Variants in XKR6 observed in about 807,000 individuals in gnomAD.
The protein encoded by XKR6 is XK related 6, also known as XK-related protein 6.
A neutral mutation model predicts 56.7 loss-of-function variants in XKR6; 22 were observed. The ratio of observed to expected loss-of-function variants is 0.39; its 90% CI spans 0.28 to 0.55. The LOEUF is 0.55. Among genes scored for constraint, XKR6 ranks in the 20% least tolerant of loss-of-function variants. XKR6 has a pLI of 0.66. For missense variants in XKR6, 852 were observed against 889.0 expected (o/e 0.96, Z 0.53); for synonymous variants, 524 against 387.8 (o/e 1.35, Z -4.13).
At chr8:11,196,338 G>T (rs530973137) in intron 1 of XKR6, among the ~76,000 whole-genome samples, 16 of 152,288 alleles carry the variant, frequency 1.1e-4, no homozygotes, top group Admixed American at 7.2e-4. Flanking sequence ...GCAAAGAGAA[G>T]TGGGCTACAT....
At chr8:10,981,413 A>G (rs1291484836) in intron 1 of XKR6, among the ~76,000 whole-genome samples, 1 of 152,204 alleles carries the variant, frequency 6.6e-6, no homozygotes, top group African/African-American at 2.4e-5. Flanking sequence ...GGCAGTCAAC[A>G]AGGCTTGGTG....
At chr8:11,150,852 CAAAAAA>C (rs546547767) in intron 1 of XKR6, among the ~76,000 whole-genome samples, 45 of 90,290 alleles carry the variant, frequency 5.0e-4, no homozygotes, top group Admixed American at 2.2e-3. Flanking sequence ...GACTCCATCT[CAAAAAA>C]AAAAAAAAAA....
At chr8:11,116,752 T>C (rs1047236523) in intron 1 of XKR6, among the ~76,000 whole-genome samples, 5 of 152,086 alleles carry the variant, frequency 3.3e-5, no homozygotes, top group Non-Finnish European at 5.9e-5. Flanking sequence ...CCCCCTTACA[T>C]CTCACAACCT....
chr8:11,102,814 A>C lies in XKR6; in HGVS notation c.764+97762T>G, dbSNP rs549386131. On this transcript the variant is annotated intron_variant, in intron 1 of 2. Coordinates refer to ENST00000416569, the MANE Select transcript of XKR6 (RefSeq NM_173683.4). ...AACCAACACTGCCTGTCCCTAGCTC[A>C]GAACTGGCTGCATTTGGAGGATTTT... 1.1e-4 allele frequency among the ~76,000 whole-genome samples: 17 copies of C among 152,338 alleles called. No individual in the cohort carries two copies. The South Asian group carries it at 3.1e-3, about 28-fold the overall frequency.
chr8:11,083,545 G>T (rs1797795360), intron 1 of XKR6, among the ~76,000 whole-genome samples: 1 of 152,144 alleles, frequency 6.6e-6, no homozygotes, highest in South Asian at 2.1e-4. Flanking sequence ...TGCATTTTCG[G>T]AATGCAAAAC....
chr8:11,094,560 A>C (rs1377694771), intron 1 of XKR6, among the ~76,000 whole-genome samples: 1 of 152,120 alleles, frequency 6.6e-6, no homozygotes, highest in Non-Finnish European at 1.5e-5. Context: ...CAGAAACAGA[A>C]AGGGACTTCT....
intron 1 of XKR6, among the ~76,000 whole-genome samples, chr8:10,990,559 T>C (rs776471388): frequency 2.6e-5 from 4 of 152,296 alleles, no homozygotes; most frequent in Non-Finnish European, 4.4e-5. Flanking sequence ...ACTAAGAGTG[T>C]GGAGCTGCTG....
chr8:11,150,772 G>A (rs1026673701), intron 1 of XKR6, among the ~76,000 whole-genome samples: 1 of 150,442 alleles, frequency 6.6e-6, no homozygotes, highest in South Asian at 2.1e-4. Flanking sequence ...AGAGTCGCTT[G>A]AGGCCGGGAG....
intron 1 of XKR6, among the ~76,000 whole-genome samples, chr8:11,135,044 T>C (rs1800311747): frequency 6.6e-6 from 1 of 151,808 alleles, no homozygotes; most frequent in African/African-American, 2.4e-5. Flanking sequence ...ATTTTTTTTT[T>C]TTTTTTGAGG....
Position 11,186,772 on chromosome 8 carries a change from G to A in XKR6, c.764+13804C>T, listed in dbSNP as rs376639241. Among the ~76,000 whole-genome samples the A allele has an allele frequency of 8.5e-5, 13 of 152,168 alleles. No individual in the cohort carries two copies. In the East Asian group the frequency reaches 1.9e-3, roughly 23 times the overall value. ...TGAGGTGTTGAGCCCTGAGGATGTC[G>A]AAGCCACCACCAGCCATACCACCCC... On this transcript the variant is annotated intron_variant, in intron 1 of 2. Coordinates refer to ENST00000416569, the MANE Select transcript of XKR6 (RefSeq NM_173683.4).
intron 1 of XKR6, among the ~76,000 whole-genome samples, chr8:11,147,956 T>C (rs1031054511): frequency 2.0e-5 from 3 of 152,114 alleles, no homozygotes; most frequent in East Asian, 3.9e-4. Context: ...ACACCTGTAA[T>C]CCCAGCACTT....
At chr8:11,071,940 A>C (rs759437571) in intron 1 of XKR6, among the ~76,000 whole-genome samples, 1 of 152,202 alleles carries the variant, frequency 6.6e-6, no homozygotes, top group African/African-American at 2.4e-5. Flanking sequence ...TCATATATAG[A>C]CCTCCAAAGA....
chr8:11,072,216 C>A (rs1455258317), intron 1 of XKR6, among the ~76,000 whole-genome samples: 2 of 147,432 alleles, frequency 1.4e-5, no homozygotes, highest in Non-Finnish European at 3.1e-5. Context: ...GCTGGAGAGA[C>A]AGCAGGGCTC....
intron 1 of XKR6, among the ~76,000 whole-genome samples, chr8:11,199,905 C>T (rs769818536): frequency 6.6e-6 from 1 of 152,000 alleles, no homozygotes; most frequent in African/African-American, 2.4e-5. Context: ...ACCAAACGCT[C>T]GCGCCCATCA....
intron 1 of XKR6, among the ~76,000 whole-genome samples, chr8:11,015,220 A>G (rs1402721236): frequency 6.6e-6 from 1 of 151,556 alleles, no homozygotes. Context: ...TAAGTAACCC[A>G]AATTCTTTTA....
chr8:11,127,620 T>C (rs1286431713), intron 1 of XKR6, among the ~76,000 whole-genome samples: 1 of 152,128 alleles, frequency 6.6e-6, no homozygotes, highest in African/African-American at 2.4e-5. Flanking sequence ...CAAACCTCTC[T>C]CTAGTTCTGA....
intron 1 of XKR6, among the ~76,000 whole-genome samples, chr8:11,131,509 T>A (rs1287456149): frequency 6.6e-6 from 1 of 152,146 alleles, no homozygotes; most frequent in Non-Finnish European, 1.5e-5. Context: ...TTTTAAAAAA[T>A]ATTTCTGTAT....
chr8:11,172,429 A>G (rs578086594), intron 1 of XKR6, among the ~76,000 whole-genome samples: 5 of 152,302 alleles, frequency 3.3e-5, no homozygotes, highest in African/African-American at 1.2e-4. Context: ...CAAACAGACC[A>G]AGACACTCCA....
chr8:11,132,158 G>T (rs1207663248), intron 1 of XKR6, among the ~76,000 whole-genome samples: 1 of 152,024 alleles, frequency 6.6e-6, no homozygotes, highest in African/African-American at 2.4e-5. Context: ...TCCCAGGTAT[G>T]CCAGGCCCAT....
Sources: gnomAD v4.1 joint callset for allele counts (sites outside exome capture counted in the v4.1 genomes callset) on GRCh38, gnomAD v4.1.1 for gene constraint, MANE v1.5 for transcripts, NCBI Gene and HGNC (gene_info 2026-07-23, HGNC 2026-07-21) for gene names.